ST6GAL2: variants seen among roughly 807,000 people sequenced by gnomAD.
ST6GAL2 encodes ST6 beta-galactoside alpha-2,6-sialyltransferase 2, also known as beta-galactoside alpha-2,6-sialyltransferase 2.
ST6GAL2 carries 24 observed loss-of-function variants against 37.5 expected under a neutral mutation model. That is an observed-to-expected ratio of 0.64 (90% CI 0.46 to 0.90). The LOEUF (loss-of-function observed/expected upper bound fraction) is 0.90. Among genes scored for constraint, ST6GAL2 ranks in the 40% least tolerant of loss-of-function variants. The pLI is 0.00. For synonymous variants in ST6GAL2, 306 were observed against 295.1 expected (o/e 1.04, Z -0.38); for missense variants, 715 against 712.7 (o/e 1.00, Z -0.04).
At chr2:106,845,224 A>C (rs1052524730) in intron 1 of ST6GAL2, among the ~76,000 whole-genome samples, 1 of 152,156 alleles carries the variant, frequency 6.6e-6, no homozygotes, top group African/African-American at 2.4e-5. Flanking sequence ...TTTGGGGAAA[A>C]CATAATTGGA....
intron 5 of ST6GAL2, among the ~76,000 whole-genome samples, chr2:106,820,635 A>G (rs930663884): frequency 1.3e-5 from 2 of 152,134 alleles, no homozygotes; most frequent in Non-Finnish European, 2.9e-5. Context: ...AAATGGACCT[A>G]TAATTATTTA....
chr2:106,836,752 AC>A (rs1253744245), intron 2 of ST6GAL2, among the ~76,000 whole-genome samples: 6 of 126,212 alleles, frequency 4.8e-5, no homozygotes, highest in African/African-American at 1.9e-4. Context: ...CCATGGAGAA[AC>A]CCCGTCTCTA....
rs1403355846 is a variant in ST6GAL2, at chr2:106,843,741, C to G, written c.237G>C (p.Ala79=). 6.2e-7 allele frequency: 1 copy of G among 1,611,798 alleles called. No homozygotes were observed. The highest frequency in any genetic ancestry group is 1.1e-5 in the South Asian group (1 of 90,992). ...SPPGGLDARQ[A]LPRAHPAGSF... is the part of the protein sequence containing the mutation. Reference sequence around the variant, plus strand: ...AACCGGCTGGGTGGGCGCGGGGCAGCGCCTGGCGTGCGTCCAGGCCCCCAG... The same window carrying G: ...AACCGGCTGGGTGGGCGCGGGGCAGGGCCTGGCGTGCGTCCAGGCCCCCAG... Residue 79 remains alanine (A), a synonymous_variant, in exon 2 of 6, where the codon GCG becomes GCC. Transcript: ENST00000409382.
intron 5 of ST6GAL2, among the ~76,000 whole-genome samples, chr2:106,818,416 A>G (rs1243919977): frequency 1.3e-5 from 2 of 152,210 alleles, no homozygotes; most frequent in South Asian, 2.1e-4. Context: ...GAAGAGAACA[A>G]GTCTCTGACT....
Position 106,843,999 on chromosome 2 carries a change from C to A in ST6GAL2, c.-22G>T. ...TCATGGCAGGTCTCTGCGGTCAGCA[C>A]CTTGTGTCTTAATGCAGATGGGTGG... On this transcript the variant is annotated 5_prime_UTR_variant, in exon 2 of 6. Coordinates refer to ENST00000409382, the MANE Select transcript of ST6GAL2 (RefSeq NM_001142351.2). 6.5e-7 allele frequency: 1 copy of A among 1,537,938 alleles called. No individual in the cohort carries two copies. The highest frequency in any genetic ancestry group is 8.7e-7 in the Non-Finnish European group (1 of 1,145,380).
At chr2:106,867,926 G>T (rs558207832) in intron 1 of ST6GAL2, among the ~76,000 whole-genome samples, 20 of 152,250 alleles carry the variant, frequency 1.3e-4, no homozygotes, top group Non-Finnish European at 1.8e-4. Flanking sequence ...TGTCTGGGTT[G>T]TAAGTTAAAT....
intron 1 of ST6GAL2, among the ~76,000 whole-genome samples, chr2:106,863,936 T>C (rs1677914240): frequency 6.6e-6 from 1 of 152,170 alleles, no homozygotes; most frequent in Non-Finnish European, 1.5e-5. Flanking sequence ...GAGGTGTGTT[T>C]AAAACGCAAC....
At chr2:106,856,986 A>C (rs1677599887) in intron 1 of ST6GAL2, among the ~76,000 whole-genome samples, 1 of 152,236 alleles carries the variant, frequency 6.6e-6, no homozygotes, top group African/African-American at 2.4e-5. Context: ...GGTATACACA[A>C]AAATCACCTT....
At chr2:106,807,399 A>G (rs1053266495) in intron 5 of ST6GAL2, among the ~76,000 whole-genome samples, 1 of 152,230 alleles carries the variant, frequency 6.6e-6, no homozygotes, top group African/African-American at 2.4e-5. Flanking sequence ...TTGCTTGATT[A>G]TAAATTGACT....
chr2:106,834,738 A>G (rs1475959569), intron 2 of ST6GAL2: 2 of 152,444 alleles, frequency 1.3e-5, no homozygotes, highest in Non-Finnish European at 2.9e-5. Context: ...CAACCTTAAG[A>G]GCATTCTGCA....
chr2:106,880,466 C>T (rs1678702605), intron 1 of ST6GAL2, among the ~76,000 whole-genome samples: 1 of 152,224 alleles, frequency 6.6e-6, no homozygotes, highest in Non-Finnish European at 1.5e-5. Context: ...TTAGTCTCAA[C>T]AGTCAAATGC....
chr2:106,864,311 C>T (rs1410701447), intron 1 of ST6GAL2, among the ~76,000 whole-genome samples: 1 of 152,198 alleles, frequency 6.6e-6, no homozygotes, highest in African/African-American at 2.4e-5. Context: ...TCTGATGGCC[C>T]TTGGTCTTCT....
chr2:106,831,738 C>T (rs1037645906), intron 4 of ST6GAL2, among the ~76,000 whole-genome samples: 2 of 152,138 alleles, frequency 1.3e-5, no homozygotes, highest in Non-Finnish European at 2.9e-5. Context: ...GCTCCTTCTC[C>T]AGGAGCCGCT....
upstream of ST6GAL2, chr2:106,886,771 C>G (rs1002382040): frequency 3.3e-5 from 5 of 151,956 alleles, no homozygotes; most frequent in Non-Finnish European, 7.4e-5. Flanking sequence ...TGGGCTGCCC[C>G]CTCCCCGCGC....
rs1314373431 is a variant in ST6GAL2, at chr2:106,829,991, G to A, written c.1318+75C>T. 2.3e-5 allele frequency: 31 copies of A among 1,368,826 alleles called. No homozygotes were observed. The Admixed American group carries it at 2.4e-4, about 11-fold the overall frequency. 84.8% of individuals were successfully genotyped at this position (1,368,826 alleles called of 1,614,324 possible). On this transcript the variant is annotated intron_variant, in intron 5 of 5. Coordinates refer to ENST00000409382, the MANE Select transcript of ST6GAL2 (RefSeq NM_001142351.2). ...AAGGTATTTTCAACCTGTATAACAC[G>A]ACTGTATATTTGTTAAATATTAGAT...
At position 106,805,237 on chromosome 2, in the gene ST6GAL2, T is replaced by C. The variant is rs2104404068; in HGVS notation, c.*1441A>G. The C allele has an allele frequency of 6.6e-6, 1 of 152,328 alleles. No individual in the cohort carries two copies. Among genetic ancestry groups the C allele is most frequent in the Non-Finnish European group, 1.5e-5 (1 of 68,040 alleles). 9.4% of individuals were successfully genotyped at this position (152,328 alleles called of 1,614,324 possible). A position where few individuals can be genotyped will look rare whatever the true frequency, so the allele number is the denominator to read the frequency against. On this transcript the variant is annotated 3_prime_UTR_variant, in exon 6 of 6. Transcript: ENST00000409382. ...TACATTTTGCAAGGGAGAACGCATT[T>C]AATTAAGCTGCTATTGTCATTGCAA...
rs1366728932 is a variant in ST6GAL2 at position 106,822,572 on chromosome 2, C to A, written c.1318+7494G>T. 2.0e-5 allele frequency among the ~76,000 whole-genome samples: 3 copies of A among 152,162 alleles called. No individual in the cohort carries two copies. In the East Asian group the frequency reaches 5.8e-4, roughly 29 times the overall value. On this transcript the variant is annotated intron_variant, in intron 5 of 5. Transcript: ENST00000409382. The stretch of plus-strand genomic sequence containing the variant: ...ATACTGTTCAAATGTCCATACTACT[C>A]AAAGCAATCCACAGATTAAATACAA...
chr2:106,878,709 G>T (rs1678611591), intron 1 of ST6GAL2, among the ~76,000 whole-genome samples: 1 of 152,186 alleles, frequency 6.6e-6, no homozygotes, highest in Non-Finnish European at 1.5e-5. Context: ...AGGAGAATCT[G>T]CCTAGGTTAT....
intron 5 of ST6GAL2, among the ~76,000 whole-genome samples, chr2:106,826,650 C>T (rs556102237): frequency 3.2e-4 from 48 of 152,238 alleles, no homozygotes; most frequent in African/African-American, 1.2e-3. Flanking sequence ...ACACCTCCCA[C>T]CAGGCCCAGG....
Sources: gnomAD v4.1 joint callset for allele counts (sites outside exome capture counted in the v4.1 genomes callset) on GRCh38, gnomAD v4.1.1 for gene constraint, MANE v1.5 for transcripts, NCBI Gene and HGNC (gene_info 2026-07-23, HGNC 2026-07-21) for gene names.